SCFD2: variants seen among roughly 807,000 people sequenced by gnomAD.
SCFD2 encodes the protein sec1 family domain containing 2, also known as sec1 family domain-containing protein 2.
SCFD2 carries 54 observed loss-of-function variants against 58.9 expected under a neutral mutation model. That is an observed-to-expected ratio of 0.92 (90% CI 0.74 to 1.15). The LOEUF (loss-of-function observed/expected upper bound fraction) is 1.15, where lower values mean the gene tolerates loss of function less well. Ranked by LOEUF, SCFD2 falls within the 50% of genes most tolerant of loss-of-function variation. The probability of loss-of-function intolerance (pLI) is 0.00; values close to 1 mark genes in which losing one functional copy is unlikely to be tolerated. For synonymous variants in SCFD2, 321 were observed against 335.9 expected, an observed-to-expected ratio of 0.96 and a Z score of 0.49; for missense variants, 805 against 836.6, an observed-to-expected ratio of 0.96 and a Z score of 0.47.
At chr4:53,176,510 C>T (rs1057415583) in intron 4 of SCFD2, among the ~76,000 whole-genome samples, 2 of 152,210 alleles carry the variant, frequency 1.3e-5, no homozygotes, top group Admixed American at 6.5e-5. Context: ...ATTGCCTTTG[C>T]TTTCCACTAT....
intron 2 of SCFD2, among the ~76,000 whole-genome samples, chr4:53,334,556 T>A (rs1050833946): frequency 3.0e-5 from 4 of 131,968 alleles, no homozygotes; most frequent in Admixed American, 8.6e-5. Flanking sequence ...AACAATGAGA[T>A]CACATGGACA....
intron 5 of SCFD2, among the ~76,000 whole-genome samples, chr4:52,935,924 G>A (rs931217666): frequency 5.3e-5 from 8 of 151,952 alleles, no homozygotes; most frequent in South Asian, 2.1e-4. Flanking sequence ...CACAACCTCC[G>A]CCTCCCGGGT....
chr4:53,136,895 G>T (rs572525593), intron 5 of SCFD2, among the ~76,000 whole-genome samples: 2 of 152,244 alleles, frequency 1.3e-5, no homozygotes, highest in Non-Finnish European at 2.9e-5. Context: ...GAATGTTTAT[G>T]ATATAAGTCC....
chr4:53,057,103 T>C (rs1203304018), intron 5 of SCFD2, among the ~76,000 whole-genome samples: 2 of 152,164 alleles, frequency 1.3e-5, no homozygotes, highest in African/African-American at 4.8e-5. Context: ...GAGAATCACT[T>C]GAACCTGGGA....
chr4:53,118,224 G>A (rs1277452802), intron 5 of SCFD2, among the ~76,000 whole-genome samples: 3 of 152,086 alleles, frequency 2.0e-5, no homozygotes, highest in Non-Finnish European at 4.4e-5. Flanking sequence ...TTTCTTATTT[G>A]CCATTGTTTT....
chr4:53,254,851 TTTTATTTTA>T (rs1277013731), intron 4 of SCFD2, among the ~76,000 whole-genome samples: 6 of 114,732 alleles, frequency 5.2e-5, no homozygotes, highest in East Asian at 2.8e-4. Flanking sequence ...TTTTATTTTA[TTTTATTTTA>T]TTTATTTTAT....
chr4:52,914,579 C>T (rs1719559974), intron 6 of SCFD2, among the ~76,000 whole-genome samples: 1 of 152,120 alleles, frequency 6.6e-6, no homozygotes, highest in African/African-American at 2.4e-5. Context: ...CTGTCTCGGG[C>T]ACACTTGTGT....
chr4:52,978,424 A>C (rs557947212), intron 5 of SCFD2, among the ~76,000 whole-genome samples: 1 of 152,004 alleles, frequency 6.6e-6, no homozygotes, highest in Non-Finnish European at 1.5e-5. Flanking sequence ...TCTTAGCCCA[A>C]CCTCCTCATC....
chr4:53,024,923 C>T (rs1422627089), intron 5 of SCFD2, among the ~76,000 whole-genome samples: 2 of 152,110 alleles, frequency 1.3e-5, no homozygotes, highest in African/African-American at 2.4e-5. Flanking sequence ...CCTCTTGACT[C>T]CCCCTAGAAT....
rs546004109 is a variant in SCFD2 at position 52,941,084 on chromosome 4, G to A, written c.1562-20214C>T. On this transcript the variant is annotated intron_variant, in intron 5 of 8. Transcript: ENST00000401642. ...GCCATAAAAAACCATGCTAAATCCT[G>A]GCATTTTTTTTTTTCCTGCAGAAGA... Among the ~76,000 whole-genome samples, 13 of 141,324 alleles carry A rather than the reference G, an allele frequency of 9.2e-5. No individual in the cohort carries two copies. In the East Asian group the frequency reaches 1.9e-3, roughly 21 times the overall value. The allele number at this position is 141,324 out of a possible 152,430, so 92.7% of individuals were successfully genotyped here.
intron 3 of SCFD2, among the ~76,000 whole-genome samples, chr4:53,299,034 G>T (rs1732162685): frequency 6.6e-6 from 1 of 152,180 alleles, no homozygotes; most frequent in South Asian, 2.1e-4. Flanking sequence ...AAAAATCAGA[G>T]CGCTTCTACT....
intron 4 of SCFD2, among the ~76,000 whole-genome samples, chr4:53,180,040 A>C (rs947268949): frequency 6.6e-6 from 1 of 152,232 alleles, no homozygotes; most frequent in African/African-American, 2.4e-5. Context: ...AGACTCCCAC[A>C]CAATAATAGT....
At chr4:52,899,554 C>A (rs559341610) in intron 7 of SCFD2, among the ~76,000 whole-genome samples, 15 of 152,296 alleles carry the variant, frequency 9.8e-5, no homozygotes, top group Non-Finnish European at 1.6e-4. Context: ...TGTGGGTAAC[C>A]CGACCTTTCT....
intron 3 of SCFD2, among the ~76,000 whole-genome samples, chr4:53,308,063 G>A (rs1732571547): frequency 1.3e-5 from 2 of 152,196 alleles, no homozygotes; most frequent in African/African-American, 4.8e-5. Context: ...AGATCTGAGA[G>A]ACAAGAACTT....
intron 2 of SCFD2, among the ~76,000 whole-genome samples, chr4:53,343,324 C>T (rs1733945346): frequency 6.6e-6 from 1 of 152,116 alleles, no homozygotes; most frequent in Non-Finnish European, 1.5e-5. Context: ...ACTATAAACA[C>T]CTCTACACAA....
intron 2 of SCFD2, among the ~76,000 whole-genome samples, chr4:53,320,671 C>T (rs1332785069): frequency 5.3e-5 from 8 of 152,166 alleles, no homozygotes; most frequent in Non-Finnish European, 1.2e-4. Context: ...GGTCCTCAAA[C>T]TTCACATGCA....
intron 7 of SCFD2, among the ~76,000 whole-genome samples, chr4:52,897,552 G>T (rs1171189251): frequency 6.6e-6 from 1 of 152,118 alleles, no homozygotes; most frequent in African/African-American, 2.4e-5. Flanking sequence ...TGCTGGATTT[G>T]GTTTGCTAGT....
At chr4:53,285,642 G>C (rs1731641978) in intron 3 of SCFD2, among the ~76,000 whole-genome samples, 1 of 152,012 alleles carries the variant, frequency 6.6e-6, no homozygotes, top group African/African-American at 2.4e-5. Context: ...GTACAGTACA[G>C]CAAGGGAGTG....
At chr4:53,145,235 T>G (rs1726289413) in intron 5 of SCFD2, 98 bp downstream of exon 5, 1 of 1,409,374 alleles carries the variant, frequency 7.1e-7, no homozygotes, top group South Asian at 1.3e-5. Flanking sequence ...ACAACTCCAG[T>G]GAAGATGGTT....
Sources: allele counts gnomAD v4.1 joint callset (sites outside exome capture counted in the v4.1 genomes callset), GRCh38; gene constraint gnomAD v4.1.1; transcripts MANE v1.5; gene names NCBI Gene and HGNC (gene_info 2026-07-23, HGNC 2026-07-21).